Variants in MCTP2 observed in about 807,000 individuals in gnomAD.
MCTP2 encodes multiple C2 and transmembrane domain-containing protein 2.
MCTP2 carries 132 observed loss-of-function variants against 111.6 expected under a neutral mutation model. That is an observed-to-expected ratio of 1.18 (90% CI 1.03 to 1.37). The LOEUF (loss-of-function observed/expected upper bound fraction) is 1.37, where lower values mean the gene tolerates loss of function less well. Among genes scored for constraint, MCTP2 ranks in the 40% most tolerant of loss-of-function variants. The pLI, the probability that MCTP2 is intolerant of heterozygous loss-of-function variation, is 0.00. For missense variants in MCTP2, 1,183 were observed against 1,067.9 expected (o/e 1.11, Z -1.50); for synonymous variants, 395 against 387.7 (o/e 1.02, Z -0.22).
At chr15:94,373,354 A>C (rs989598399) in intron 12 of MCTP2, among the ~76,000 whole-genome samples, 6 of 152,182 alleles carry the variant, frequency 3.9e-5, no homozygotes, top group African/African-American at 1.4e-4. Context: ...ATTTCTCATA[A>C]AGTTGTTTTA....
At chr15:94,457,505 C>A (rs1250575418) in intron 19 of MCTP2, among the ~76,000 whole-genome samples, 1 of 152,176 alleles carries the variant, frequency 6.6e-6, no homozygotes, top group Non-Finnish European at 1.5e-5. Flanking sequence ...AATTGCTGAT[C>A]ATCCTGGAAG....
At chr15:94,443,271 A>C (rs2083894483) in intron 19 of MCTP2, among the ~76,000 whole-genome samples, 1 of 152,180 alleles carries the variant, frequency 6.6e-6, no homozygotes, top group African/African-American at 2.4e-5. Flanking sequence ...CTGGGAAGTC[A>C]AAAGTAAATC....
chr15:94,254,459 T>C (rs181773986), intron 1 of MCTP2, among the ~76,000 whole-genome samples: 6 of 152,208 alleles, frequency 3.9e-5, no homozygotes, highest in Non-Finnish European at 7.3e-5. Flanking sequence ...AGGATTGGTA[T>C]TTTTACTCAG....
intron 14 of MCTP2, among the ~76,000 whole-genome samples, chr15:94,386,410 C>T (rs982652404): frequency 2.0e-5 from 3 of 152,202 alleles, no homozygotes; most frequent in Admixed American, 2.0e-4. Context: ...TGAGATTAGC[C>T]TAACTCACTT....
intron 8 of MCTP2, among the ~76,000 whole-genome samples, chr15:94,345,596 T>G (rs1317839486): frequency 6.6e-6 from 1 of 152,222 alleles, no homozygotes; most frequent in Non-Finnish European, 1.5e-5. Context: ...TTATAAATTT[T>G]TGGTAAAATT....
At chr15:94,291,014 A>G (rs1410328458) in intron 1 of MCTP2, among the ~76,000 whole-genome samples, 5 of 152,232 alleles carry the variant, frequency 3.3e-5, no homozygotes, top group Non-Finnish European at 5.9e-5. Flanking sequence ...GAACTGAACT[A>G]TCAACCAACT....
intron 4 of MCTP2, among the ~76,000 whole-genome samples, chr15:94,316,530 G>A (rs984687330): frequency 1.6e-4 from 25 of 152,176 alleles, no homozygotes; most frequent in Non-Finnish European, 3.2e-4. Context: ...TGTAAAACAA[G>A]GATAGTAAGA....
At chr15:94,273,494 C>T (rs1269055895) in intron 1 of MCTP2, 1 of 168,718 alleles carries the variant, frequency 5.9e-6, no homozygotes, top group Non-Finnish European at 1.3e-5. Context: ...CAGAGAGTCA[C>T]CATGAAGTTC....
intron 19 of MCTP2, among the ~76,000 whole-genome samples, chr15:94,445,545 CT>C (rs2084064786): frequency 6.6e-6 from 1 of 152,144 alleles, no homozygotes; most frequent in Non-Finnish European, 1.5e-5. Flanking sequence ...AACTTTCAGA[CT>C]TTTTGAGTGC....
chr15:94,458,099 G>T (rs769783089), intron 19 of MCTP2, 38 bp from the exon 20 acceptor site: 1 of 1,131,866 alleles, frequency 8.8e-7, no homozygotes, highest in Admixed American at 1.7e-5. Flanking sequence ...GATAAAAAAT[G>T]AAGTAACTGA....
At chr15:94,424,238 G>A (rs946913843) in intron 17 of MCTP2, among the ~76,000 whole-genome samples, 2 of 151,948 alleles carry the variant, frequency 1.3e-5, no homozygotes, top group African/African-American at 2.4e-5. Flanking sequence ...ATAGCTGTAT[G>A]AGTAAATTAT....
chr15:94,269,911 A>C (rs1044316288), intron 1 of MCTP2, among the ~76,000 whole-genome samples: 2 of 152,184 alleles, frequency 1.3e-5, no homozygotes, highest in African/African-American at 4.8e-5. Context: ...CTCTAAAAAA[A>C]AGGTTCAACT....
intron 7 of MCTP2, 45 bp from the exon 8 acceptor site, chr15:94,345,084 G>A (rs748413093): frequency 6.2e-7 from 1 of 1,605,664 alleles, no homozygotes; most frequent in African/African-American, 1.3e-5. Context: ...ATCTTCCTCT[G>A]TTTTATTTTG....
intron 1 of MCTP2, among the ~76,000 whole-genome samples, chr15:94,251,403 G>T (rs1160082894): frequency 6.6e-6 from 1 of 151,020 alleles, no homozygotes; most frequent in East Asian, 1.9e-4. Context: ...TTGTTGCCCA[G>T]GCTGGAGTGC....
chr15:94,372,402 T>A (rs1471051159), intron 12 of MCTP2, among the ~76,000 whole-genome samples: 1 of 152,186 alleles, frequency 6.6e-6, no homozygotes, highest in African/African-American at 2.4e-5. Flanking sequence ...AGGCACTGCT[T>A]TAGGGCTACA....
intron 17 of MCTP2, among the ~76,000 whole-genome samples, chr15:94,418,127 G>A (rs999772625): frequency 4.6e-5 from 7 of 152,028 alleles, no homozygotes; most frequent in African/African-American, 9.7e-5. Context: ...GGAGTAAGTC[G>A]TAAGTGTTAT....
Position 94,244,201 on chromosome 15 carries a change from CGTGTAT to C in MCTP2, c.-66+12538_-66+12543del, listed in dbSNP as rs1418359112. Among the ~76,000 whole-genome samples the C allele has an allele frequency of 2.1e-5, 3 of 141,580 alleles. 1 individual carries two copies. Among genetic ancestry groups the C allele is most frequent in the African/African-American group, 7.9e-5 (3 of 37,886 alleles). The allele number at this position is 141,580 out of a possible 152,430, so 92.9% of individuals were successfully genotyped here. The stretch of plus-strand genomic sequence containing the variant: ...ACGTATGTGTATATGTTTATATACA[CGTGTAT>C]ACACATACATATGTGTATATATTTA... On this transcript the variant is annotated intron_variant, in intron 1 of 22. Coordinates refer to ENST00000357742, the MANE Select transcript of MCTP2 (RefSeq NM_001385001.1).
chr15:94,256,345 A>T (rs35751090), intron 1 of MCTP2, among the ~76,000 whole-genome samples: 17,472 of 152,194 alleles, frequency 0.11, 1,333 homozygotes, highest in Non-Finnish European at 0.17. Flanking sequence ...AAAATCTGAA[A>T]TCAGAAATAC....
intron 21 of MCTP2, among the ~76,000 whole-genome samples, chr15:94,475,405 G>C (rs2074270037): frequency 6.6e-6 from 1 of 152,190 alleles, no homozygotes; most frequent in Non-Finnish European, 1.5e-5. Flanking sequence ...CTGGAGGTTG[G>C]CATTGTGTCA....
Sources: allele counts gnomAD v4.1 joint callset (sites outside exome capture counted in the v4.1 genomes callset), GRCh38; gene constraint gnomAD v4.1.1; transcripts MANE v1.5; gene names NCBI Gene and HGNC (gene_info 2026-07-23, HGNC 2026-07-21).